The following LPAR1 variants were observed in gnomAD, a reference collection of about 807,000 sequenced individuals.
LPAR1 encodes the protein LPA receptor 1.
A neutral mutation model predicts 23.8 loss-of-function variants in LPAR1; 5 were observed. That is an observed-to-expected ratio of 0.21 (90% CI 0.11 to 0.44). The LOEUF (loss-of-function observed/expected upper bound fraction) is 0.44. Ranked by LOEUF, LPAR1 falls within the 20% of genes least tolerant of loss-of-function variation. The pLI, the probability that LPAR1 is intolerant of heterozygous loss-of-function variation, is 0.99. For missense variants in LPAR1, 311 were observed against 482.8 expected, an observed-to-expected ratio of 0.64 and a Z score of 3.33; for synonymous variants, 160 against 164.7, an observed-to-expected ratio of 0.97 and a Z score of 0.22.
chr9:110,935,548 G>T (rs1306349585), intron 5 of LPAR1, among the ~76,000 whole-genome samples: 1 of 152,096 alleles, frequency 6.6e-6, no homozygotes, highest in African/African-American at 2.4e-5. Flanking sequence ...CAACACTTTG[G>T]GAGGCTGAGG....
intron 2 of LPAR1, among the ~76,000 whole-genome samples, chr9:111,032,372 C>T (rs568453989): frequency 2.6e-5 from 4 of 152,094 alleles, no homozygotes; most frequent in African/African-American, 7.2e-5. Context: ...TTGGTGCTCC[C>T]GCAAAGTCTT....
intron 5 of LPAR1, among the ~76,000 whole-genome samples, chr9:110,934,078 C>T (rs1008794864): frequency 1.3e-5 from 2 of 152,196 alleles, no homozygotes; most frequent in African/African-American, 4.8e-5. Flanking sequence ...ACAATCGAGG[C>T]TCTCATGGAT....
At chr9:110,877,156 T>C (rs2079334092) in intron 5 of LPAR1, among the ~76,000 whole-genome samples, 1 of 152,194 alleles carries the variant, frequency 6.6e-6, no homozygotes, top group African/African-American at 2.4e-5. Context: ...GGAATTAGTT[T>C]CACAAAATGT....
intron 5 of LPAR1, among the ~76,000 whole-genome samples, chr9:110,908,472 C>G (rs1006305818): frequency 1.2e-4 from 18 of 151,930 alleles, no homozygotes; most frequent in African/African-American, 3.6e-4. Context: ...AGTCTCTTAT[C>G]ACATCTTATG....
intron 5 of LPAR1, among the ~76,000 whole-genome samples, chr9:110,936,627 G>A (rs1301418139): frequency 6.6e-6 from 1 of 152,180 alleles, no homozygotes; most frequent in Non-Finnish European, 1.5e-5. Context: ...GAGAATGTAA[G>A]ACATAAGGAG....
chr9:111,029,924 G>A (rs967925173), intron 2 of LPAR1, among the ~76,000 whole-genome samples: 6 of 151,594 alleles, frequency 4.0e-5, no homozygotes, highest in African/African-American at 1.5e-4. Flanking sequence ...GCATGGTGGT[G>A]CACGCCTGTG....
chr9:110,875,644 G>T lies in LPAR1; in HGVS notation c.872C>A (p.Ala291Asp). The T allele has an allele frequency of 6.2e-7, 1 of 1,613,980 alleles. No individual in the cohort carries two copies. Among genetic ancestry groups the T allele is most frequent in the Non-Finnish European group, 8.5e-7 (1 of 1,179,920 alleles). The change falls in exon 6 of 6, where the codon GCC becomes GAC. Residue 291 changes from alanine (A) to aspartate (D), a missense_variant. Around this residue, in one of 2 missense-constraint regions of LPAR1, gnomAD observed 250 missense variants for 427.2 expected, o/e 0.59. Coordinates refer to ENST00000683809, the MANE Select transcript of LPAR1 (RefSeq NM_001351411.2). ...DVCCPQCDVL[A>D]YEKFFLLLAE... ...AAGGAGAAGGAAGAATTTCTCATAG[G>T]CCAGCACGTCGCACTGTGGACAGCA...
chr9:111,001,274 T>C (rs760902962), intron 2 of LPAR1, among the ~76,000 whole-genome samples: 2 of 152,180 alleles, frequency 1.3e-5, no homozygotes, highest in Middle Eastern at 3.2e-3. Context: ...AGGAAGTCTA[T>C]AGATAAACCT....
chr9:110,943,176 C>T (rs1011328795), intron 4 of LPAR1, among the ~76,000 whole-genome samples: 1 of 148,714 alleles, frequency 6.7e-6, no homozygotes, highest in Non-Finnish European at 1.5e-5. Flanking sequence ...AAGTAACAAA[C>T]TAGAAATTAG....
At chr9:111,024,405 A>T (rs1017075101) in intron 2 of LPAR1, among the ~76,000 whole-genome samples, 1 of 147,816 alleles carries the variant, frequency 6.8e-6, no homozygotes, top group Non-Finnish European at 1.5e-5. Context: ...ACACACACAC[A>T]TATTTATATA....
chr9:111,030,441 T>C (rs927361690), intron 2 of LPAR1, among the ~76,000 whole-genome samples: 7 of 152,172 alleles, frequency 4.6e-5, no homozygotes, highest in African/African-American at 1.7e-4. Context: ...GATTACAGAC[T>C]TCCAAGGCGG....
chr9:110,991,012 T>G (rs1471107132), intron 2 of LPAR1, among the ~76,000 whole-genome samples: 1 of 152,114 alleles, frequency 6.6e-6, no homozygotes, highest in African/African-American at 2.4e-5. Context: ...CTATTAGATA[T>G]CCATAAGCAA....
intron 2 of LPAR1, among the ~76,000 whole-genome samples, chr9:110,989,896 G>T (rs1326466625): frequency 6.6e-6 from 1 of 151,682 alleles, no homozygotes; most frequent in African/African-American, 2.4e-5. Flanking sequence ...AAAGTAAAAG[G>T]ATAAAAAAAC....
intron 5 of LPAR1, among the ~76,000 whole-genome samples, chr9:110,909,193 T>C (rs1344176322): frequency 6.6e-6 from 1 of 152,224 alleles, no homozygotes; most frequent in East Asian, 1.9e-4. Context: ...AGCTCCCATC[T>C]CCTCAGCTGC....
chr9:110,981,595 TA>T (rs60372220), intron 2 of LPAR1, among the ~76,000 whole-genome samples: 2,000 of 151,084 alleles, frequency 0.013, 13 homozygotes, highest in Non-Finnish European at 0.02. Context: ...TTTAAGGAAA[TA>T]AAAAAAAATC....
At chr9:110,912,521 A>C (rs1216668386) in intron 5 of LPAR1, among the ~76,000 whole-genome samples, 1 of 152,222 alleles carries the variant, frequency 6.6e-6, no homozygotes, top group Non-Finnish European at 1.5e-5. Context: ...AAGAGGAAAC[A>C]CCAAATGAGC....
intron 5 of LPAR1, among the ~76,000 whole-genome samples, chr9:110,885,919 T>G (rs2082237444): frequency 6.6e-6 from 1 of 151,912 alleles, no homozygotes; most frequent in Non-Finnish European, 1.5e-5. Context: ...AAAATTAGGC[T>G]GGGCGTGGTG....
chr9:110,889,384 G>GA (rs1206364788), intron 5 of LPAR1, among the ~76,000 whole-genome samples: 36 of 151,790 alleles, frequency 2.4e-4, no homozygotes, highest in Admixed American at 2.3e-3. Context: ...AATAAAGAAA[G>GA]AAAAAACCAC....
In LPAR1 at chr9:110,874,805, A is replaced by G. The variant is rs2078752935; in HGVS notation, c.*616T>C. On this transcript the variant is annotated 3_prime_UTR_variant, in exon 6 of 6. Transcript: ENST00000683809. ...CTTTGAAGTCTAGGTTCTATTTCCT[A>G]GAAGATTTAACATTAGTATCCTTTT... 1 of 152,648 alleles carries G rather than the reference A, an allele frequency of 6.6e-6. No individual in the cohort carries two copies. The highest frequency in any genetic ancestry group is 1.5e-5 in the Non-Finnish European group (1 of 68,036). The allele number at this position is 152,648 out of a possible 1,614,324, so 9.5% of individuals were successfully genotyped here. A position where few individuals can be genotyped will look rare whatever the true frequency, so the allele number is the denominator to read the frequency against.
Sources: allele counts gnomAD v4.1 joint callset (sites outside exome capture counted in the v4.1 genomes callset), GRCh38; gene constraint gnomAD v4.1.1; regional missense constraint gnomAD v4.1.1; transcripts MANE v1.5; gene names NCBI Gene and HGNC (gene_info 2026-07-23, HGNC 2026-07-21).